Variants in LRMDA observed in about 807,000 individuals in gnomAD.
LRMDA encodes the protein leucine rich melanocyte differentiation associated.
In LRMDA, 18 loss-of-function variants were observed where a neutral mutation model predicts 29.8. The observed-to-expected ratio is 0.60, with a 90% CI of 0.42 to 0.90. The LOEUF (loss-of-function observed/expected upper bound fraction) is 0.90. LRMDA is among the 40% of genes least tolerant of loss of function. The pLI is 0.00. For synonymous variants in LRMDA, 125 were observed against 109.4 expected (o/e 1.14, Z -0.89); for missense variants, 273 against 273.9 (o/e 1.00, Z 0.02).
intron 2 of LRMDA, among the ~76,000 whole-genome samples, chr10:76,022,258 G>A (rs532069393): frequency 6.6e-6 from 1 of 152,244 alleles, no homozygotes; most frequent in African/African-American, 2.4e-5. Context: ...TCCATAGGAG[G>A]CCTCAAATTA....
At chr10:75,914,054 G>C (rs1414117276) in intron 2 of LRMDA, among the ~76,000 whole-genome samples, 1 of 152,220 alleles carries the variant, frequency 6.6e-6, no homozygotes, top group Non-Finnish European at 1.5e-5. Context: ...TGCTTACAAA[G>C]AAGCAGAGGT....
At position 76,268,969 on chromosome 10, in the gene LRMDA, G is replaced by T. The variant is rs375309625; in HGVS notation, c.517-55432G>T. Among the ~76,000 whole-genome samples, 10 of 152,090 alleles carry T rather than the reference G, an allele frequency of 6.6e-5. No individual in the cohort carries two copies. In the East Asian group the frequency reaches 1.2e-3, roughly 18 times the overall value. On this transcript the variant is annotated intron_variant, in intron 5 of 6. Coordinates refer to ENST00000611255, the MANE Select transcript of LRMDA (RefSeq NM_001305581.2). ...CCTAGGTGACTTCTGACTGCAGAAG[G>T]GCCCTGGATTTACATTTTTGCATTC...
chr10:76,197,925 A>C (rs999197414), intron 5 of LRMDA, among the ~76,000 whole-genome samples: 1 of 152,128 alleles, frequency 6.6e-6, no homozygotes, highest in African/African-American at 2.4e-5. Flanking sequence ...ATTTCAAAAA[A>C]AAAAAAAATT....
intron 2 of LRMDA, among the ~76,000 whole-genome samples, chr10:75,477,519 C>G (rs1307654701): frequency 6.6e-6 from 1 of 152,224 alleles, no homozygotes; most frequent in African/African-American, 2.4e-5. Flanking sequence ...AAGGCTCACT[C>G]TGAATGTCAC....
rs533186431 is a variant in LRMDA at position 76,339,487 on chromosome 10, A to G, written c.601+15002A>G. 2.7e-4 allele frequency among the ~76,000 whole-genome samples: 41 copies of G among 152,136 alleles called. 1 individual carries two copies. In the South Asian group the frequency reaches 3.1e-3, roughly 12 times the overall value. On this transcript the variant is annotated intron_variant, in intron 6 of 6. Transcript: ENST00000611255. The stretch of plus-strand genomic sequence containing the variant: ...AGAAACATAAACTGTAAAACAAGGA[A>G]TAGAAGATAAAAATATATGAACTAT...
Position 76,498,382 on chromosome 10 carries a change from G to A in LRMDA, c.602-58827G>A, listed in dbSNP as rs1237595010. Among the ~76,000 whole-genome samples the A allele has an allele frequency of 5.3e-5, 4 of 75,080 alleles. 1 individual carries two copies. The highest frequency in any genetic ancestry group is 1.3e-4 in the African/African-American group (4 of 30,886). 49.3% of individuals were successfully genotyped at this position (75,080 alleles called of 152,430 possible). A position where few individuals can be genotyped will look rare whatever the true frequency, so the allele number is the denominator to read the frequency against. The stretch of plus-strand genomic sequence containing the variant: ...ATCTGAGAGAAGGTAATGTTCACTC[G>A]GCTTCAGCATTTCTACTTGTAGTTC... On this transcript the variant is annotated intron_variant, in intron 6 of 6. Transcript: ENST00000611255.
At chr10:76,276,294 T>G (rs1205115619) in intron 5 of LRMDA, among the ~76,000 whole-genome samples, 1 of 150,860 alleles carries the variant, frequency 6.6e-6, no homozygotes, top group Non-Finnish European at 1.5e-5. Flanking sequence ...CATGTGCCAC[T>G]ATGTCCAGCT....
chr10:76,356,219 G>A (rs1841237850), intron 6 of LRMDA, among the ~76,000 whole-genome samples: 1 of 152,188 alleles, frequency 6.6e-6, no homozygotes, highest in South Asian at 2.1e-4. Flanking sequence ...CATGGAGATG[G>A]TAGTTATTAT....
chr10:76,237,156 C>G (rs1219673215), intron 5 of LRMDA, among the ~76,000 whole-genome samples: 3 of 151,952 alleles, frequency 2.0e-5, no homozygotes, highest in African/African-American at 7.3e-5. Context: ...TGCATTCGAG[C>G]CTGGGCAACA....
At chr10:75,751,446 C>A (rs1050063287) in intron 2 of LRMDA, among the ~76,000 whole-genome samples, 2 of 152,128 alleles carry the variant, frequency 1.3e-5, no homozygotes, top group Non-Finnish European at 2.9e-5. Flanking sequence ...GGGTCATGGA[C>A]ACAAATATTT....
chr10:75,539,098 T>C (rs1839986188), intron 2 of LRMDA, among the ~76,000 whole-genome samples: 1 of 152,210 alleles, frequency 6.6e-6, no homozygotes, highest in Admixed American at 6.5e-5. Flanking sequence ...TTCTCTTCAA[T>C]AGGACTTGTG....
At chr10:75,714,253 A>G (rs1225310465) in intron 2 of LRMDA, among the ~76,000 whole-genome samples, 1 of 152,238 alleles carries the variant, frequency 6.6e-6, no homozygotes, top group Non-Finnish European at 1.5e-5. Context: ...CAGATATGGC[A>G]TAGATTATCT....
chr10:76,362,643 C>T (rs1589151310), intron 6 of LRMDA, among the ~76,000 whole-genome samples: 2 of 152,284 alleles, frequency 1.3e-5, no homozygotes, highest in Admixed American at 6.5e-5. Context: ...ATGTACCTAT[C>T]ATCCAAATAT....
intron 5 of LRMDA, among the ~76,000 whole-genome samples, chr10:76,120,530 A>G (rs912969819): frequency 3.7e-4 from 56 of 152,084 alleles, no homozygotes; most frequent in African/African-American, 1.3e-3. Context: ...GCCATGTTTC[A>G]TGGATGGTTT....
At chr10:76,508,747 G>C (rs1023838177) in intron 6 of LRMDA, among the ~76,000 whole-genome samples, 1 of 152,066 alleles carries the variant, frequency 6.6e-6, no homozygotes, top group Admixed American at 6.5e-5. Context: ...TCATGATCTG[G>C]ACCGTGTTCT....
intron 2 of LRMDA, among the ~76,000 whole-genome samples, chr10:75,741,146 T>C (rs910917010): frequency 6.6e-6 from 1 of 152,188 alleles, no homozygotes; most frequent in Non-Finnish European, 1.5e-5. Flanking sequence ...AGGAAACAGA[T>C]AGCAAACAGC....
chr10:76,365,161 CT>C (rs1841378317), intron 6 of LRMDA, among the ~76,000 whole-genome samples: 4 of 147,092 alleles, frequency 2.7e-5, no homozygotes, highest in African/African-American at 9.9e-5. Context: ...GACTGGTGGA[CT>C]TTTGGGTTGG....
rs540453422 is a variant in LRMDA, at chr10:75,552,797, T to A, written c.131+114303T>A. On this transcript the variant is annotated intron_variant, in intron 2 of 6. Coordinates refer to ENST00000611255, the MANE Select transcript of LRMDA (RefSeq NM_001305581.2). ...TTTGGATCATTTCTACTCACCTATC[T>A]TCAAGTTTGTAAATCATTTTCTCTG... 7.9e-5 allele frequency among the ~76,000 whole-genome samples: 12 copies of A among 152,136 alleles called. No individual in the cohort carries two copies. In the South Asian group the frequency reaches 2.5e-3, roughly 32 times the overall value.
intron 6 of LRMDA, among the ~76,000 whole-genome samples, chr10:76,477,677 C>T (rs1221115859): frequency 6.6e-6 from 1 of 152,124 alleles, no homozygotes; most frequent in Non-Finnish European, 1.5e-5. Context: ...GTAACCAAAA[C>T]AGCATGGTAC....
Sources: gnomAD v4.1 joint callset for allele counts (sites outside exome capture counted in the v4.1 genomes callset) on GRCh38, gnomAD v4.1.1 for gene constraint, MANE v1.5 for transcripts, NCBI Gene and HGNC (gene_info 2026-07-23, HGNC 2026-07-21) for gene names.